Variants in PTPRN2 observed in about 807,000 individuals in gnomAD.
PTPRN2 encodes the protein protein tyrosine phosphatase receptor type N2, also known as receptor-type tyrosine-protein phosphatase N2.
PTPRN2 carries 74 observed loss-of-function variants against 118.8 expected under a neutral mutation model. That is an observed-to-expected ratio of 0.62 (90% CI 0.52 to 0.76). PTPRN2 has a LOEUF of 0.76. Among genes scored for constraint, PTPRN2 ranks in the 30% least tolerant of loss-of-function variants. PTPRN2 has a pLI of 0.00. For missense variants in PTPRN2, 1,481 were observed against 1,394.4 expected (o/e 1.06, Z -0.99); for synonymous variants, 641 against 608.0 (o/e 1.05, Z -0.80).
At position 157,903,798 on chromosome 7, in the gene PTPRN2, C is replaced by T. The variant is rs1797604379; in HGVS notation, c.1724-5061G>A. 6.6e-6 allele frequency among the ~76,000 whole-genome samples: 1 copy of T among 152,216 alleles called. No individual in the cohort carries two copies. The highest frequency in any genetic ancestry group is 1.5e-5 in the Non-Finnish European group (1 of 68,042). On this transcript the variant is annotated intron_variant, in intron 11 of 22. Transcript: ENST00000389418. This position sits in a 1 kb window ranked among gnomAD's most constrained non-coding sequence, Gnocchi z 4.2. ...GCTGGCAGTGGCTACATTCCTGCCA[C>T]ACACCAAGTGCCGGCGCAAGCGCTT...
chr7:157,949,781 A>G (rs773824793), intron 11 of PTPRN2, among the ~76,000 whole-genome samples: 10 of 152,252 alleles, frequency 6.6e-5, no homozygotes, highest in Middle Eastern at 3.2e-3. Flanking sequence ...AAATCAATAA[A>G]TGAATGATTA....
chr7:158,372,771 T>G (rs1810176201), intron 2 of PTPRN2, among the ~76,000 whole-genome samples: 1 of 152,248 alleles, frequency 6.6e-6, no homozygotes, highest in African/African-American at 2.4e-5. Flanking sequence ...CTGTTTTTTA[T>G]ACAGCTTGCA....
At chr7:158,522,271 G>A (rs13310409) in intron 1 of PTPRN2, among the ~76,000 whole-genome samples, 741 of 16,660 alleles carry the variant, frequency 0.044, 75 homozygotes, top group African/African-American at 0.068. Flanking sequence ...CTGTCCAGGT[G>A]CTGGCTCGGG....
Position 157,873,551 on chromosome 7 carries a change from G to C in PTPRN2, c.1788+25122C>G, listed in dbSNP as rs376319122. 3.9e-4 allele frequency among the ~76,000 whole-genome samples: 54 copies of C among 138,538 alleles called. No individual in the cohort carries two copies. In the East Asian group the frequency reaches 7.8e-3, roughly 20 times the overall value. The allele number at this position is 138,538 out of a possible 152,430, so 90.9% of individuals were successfully genotyped here. ...CTGTCCTCAAGGTCTGTCTCGTCGT[G>C]GGGGCCGGGAGGAGAACGTACTGTC... is the stretch of plus-strand genomic sequence containing the variant. On this transcript the variant is annotated intron_variant, in intron 12 of 22. Transcript: ENST00000389418.
intron 2 of PTPRN2, among the ~76,000 whole-genome samples, chr7:158,429,182 C>T (rs1339602412): frequency 6.6e-6 from 1 of 152,230 alleles, no homozygotes; most frequent in East Asian, 1.9e-4. Context: ...CAGGGTGGGG[C>T]TGTCACCCAG....
intron 2 of PTPRN2, among the ~76,000 whole-genome samples, chr7:158,460,686 C>T (rs1468322288): frequency 1.3e-5 from 2 of 152,254 alleles, no homozygotes; most frequent in African/African-American, 4.8e-5. Context: ...GCAGTGCCAT[C>T]TGATGAGAAT....
At position 158,138,502 on chromosome 7, in the gene PTPRN2, A is replaced by G. The variant is rs2150458162; in HGVS notation, c.924T>C (p.His308=). The G allele has an allele frequency of 6.2e-7, 1 of 1,611,892 alleles. No homozygotes were observed. Among genetic ancestry groups the G allele is most frequent in the South Asian group, 1.1e-5 (1 of 91,082 alleles). The change falls in exon 7 of 23, where the codon CAT becomes CAC. Residue 308 remains histidine, a synonymous_variant. Coordinates refer to ENST00000389418, the MANE Select transcript of PTPRN2 (RefSeq NM_002847.5). The stretch of plus-strand genomic sequence containing the variant: ...GCCTCTGCAGGTCCTTCAGGAGGGT[A>G]TGAATCCGTGCTCCTAGGGGCACAC... ...PSSTGDGARI[H]TLLKDLQRQP...
intron 2 of PTPRN2, among the ~76,000 whole-genome samples, chr7:158,437,507 T>G (rs1233424013): frequency 6.6e-6 from 1 of 152,200 alleles, no homozygotes; most frequent in Non-Finnish European, 1.5e-5. Flanking sequence ...GTCTATCTTC[T>G]TACCTTCCTC....
chr7:157,775,171 G>A (rs1281779335), intron 12 of PTPRN2, among the ~76,000 whole-genome samples: 2 of 152,212 alleles, frequency 1.3e-5, no homozygotes, highest in Non-Finnish European at 2.9e-5. Context: ...AGGCTCAGAT[G>A]TGACTTGGGA....
intron 4 of PTPRN2, among the ~76,000 whole-genome samples, chr7:158,197,017 T>A (rs145051027): frequency 2.7e-3 from 410 of 152,316 alleles, no homozygotes; most frequent in African/African-American, 9.2e-3. Flanking sequence ...CGTATATATG[T>A]ATATACATGT....
chr7:157,739,763 T>C (rs1000927578), intron 12 of PTPRN2, among the ~76,000 whole-genome samples: 1 of 152,178 alleles, frequency 6.6e-6, no homozygotes, highest in Non-Finnish European at 1.5e-5. Flanking sequence ...CCATACTGTG[T>C]TTTTGGGACA....
chr7:157,631,322 C>T (rs963142880), intron 14 of PTPRN2, among the ~76,000 whole-genome samples: 3 of 152,172 alleles, frequency 2.0e-5, no homozygotes, highest in African/African-American at 4.8e-5. Context: ...AGGAACAAAG[C>T]GTAGAAGGGG....
chr7:158,342,314 C>T (rs1209738553), intron 2 of PTPRN2, among the ~76,000 whole-genome samples: 2 of 129,156 alleles, frequency 1.5e-5, no homozygotes, highest in African/African-American at 5.9e-5. Flanking sequence ...GTCACTCACA[C>T]CCACACTCTC....
chr7:157,548,562 G>A (rs928516812), intron 22 of PTPRN2, among the ~76,000 whole-genome samples: 2 of 152,236 alleles, frequency 1.3e-5, no homozygotes, highest in African/African-American at 4.8e-5. Flanking sequence ...TCCACAAAGC[G>A]CAGGCCCCGG....
chr7:158,424,785 TCCCACGCCAGGTGTGC>T (rs1815564187), intron 2 of PTPRN2, among the ~76,000 whole-genome samples: 1 of 151,382 alleles, frequency 6.6e-6, no homozygotes. Flanking sequence ...CAGCTTAATC[TCCCACGCCAGGTGTGC>T]TCAGCACCCT....
chr7:157,982,449 A>G (rs1433337348), intron 11 of PTPRN2, among the ~76,000 whole-genome samples: 8 of 100,192 alleles, frequency 8.0e-5, no homozygotes, highest in African/African-American at 3.1e-4. Context: ...TGCAGAGTGC[A>G]GGGTCCCCCC....
chr7:157,873,456 C>T (rs181741821), intron 12 of PTPRN2, among the ~76,000 whole-genome samples: 11 of 151,942 alleles, frequency 7.2e-5, no homozygotes, highest in African/African-American at 1.7e-4. Context: ...TCCGTCTCGC[C>T]GTGGGGGCCG....
At chr7:158,110,722 C>CA in intron 10 of PTPRN2, 107 bp downstream of exon 10, 7 of 1,036,154 alleles carry the variant, frequency 6.8e-6, no homozygotes, top group Non-Finnish European at 1.0e-5. Context: ...AAACAGGTTC[C>CA]CTCATGTAAT....
At chr7:157,887,262 C>T (rs374915904) in intron 12 of PTPRN2, among the ~76,000 whole-genome samples, 22 of 152,050 alleles carry the variant, frequency 1.4e-4, no homozygotes, top group Non-Finnish European at 2.1e-4. Context: ...CCCTTTCAGA[C>T]GCAAATTAGG....
Sources: allele counts gnomAD v4.1 joint callset (sites outside exome capture counted in the v4.1 genomes callset), GRCh38; gene constraint gnomAD v4.1.1; non-coding constraint Gnocchi (gnomAD v3.1); transcripts MANE v1.5; gene names NCBI Gene and HGNC (gene_info 2026-07-23, HGNC 2026-07-21).